Variants in ARHGAP32 observed in about 807,000 individuals in gnomAD.
ARHGAP32 encodes Rho GTPase activating protein 32, also known as rho GTPase-activating protein 32.
In ARHGAP32, 51 loss-of-function variants were observed where a neutral mutation model predicts 186.5. That is an observed-to-expected ratio of 0.27 (90% CI 0.22 to 0.35). The LOEUF (loss-of-function observed/expected upper bound fraction) is 0.35, where lower values mean the gene tolerates loss of function less well. Ranked by LOEUF, ARHGAP32 falls within the 10% of genes least tolerant of loss-of-function variation. The pLI, the probability that ARHGAP32 is intolerant of heterozygous loss-of-function variation, is 1.00. For missense variants in ARHGAP32, 2,186 were observed against 2,623.5 expected (o/e 0.83, Z 3.64); for synonymous variants, 950 against 964.3 (o/e 0.99, Z 0.27).
At chr11:129,165,925 T>C (rs766045683) in intron 1 of ARHGAP32, among the ~76,000 whole-genome samples, 1 of 151,994 alleles carries the variant, frequency 6.6e-6, no homozygotes. Context: ...AGAAGAGGAA[T>C]ACATAAGAAG....
intron 1 of ARHGAP32, among the ~76,000 whole-genome samples, chr11:129,219,693 A>G (rs568109339): frequency 1.3e-5 from 2 of 152,310 alleles, no homozygotes; most frequent in Admixed American, 1.3e-4. Flanking sequence ...ACATTAGCAT[A>G]CTATGCATAA....
At position 128,972,679 on chromosome 11, in the gene ARHGAP32, G is replaced by A; in HGVS notation, c.3827C>T (p.Thr1276Ile). 9 of 1,614,114 alleles carry A rather than the reference G, an allele frequency of 5.6e-6. No homozygotes were observed. The highest frequency in any genetic ancestry group is 7.6e-6 in the Non-Finnish European group (9 of 1,180,016). Residue 1276 changes from threonine to isoleucine, a missense_variant, in exon 22 of 23, where the codon ACT becomes ATT. This residue lies in a region of ARHGAP32 where 1,502 missense variants were observed against 1,570.0 expected (regional missense o/e 0.96). Transcript: ENST00000682385. ...PEENTSTATMTYMTTTPATAQ... is the reference protein window; with the variant it reads ...PEENTSTATMIYMTTTPATAQ... ...TGTTGCTGGAGTAGTTGTCATGTAA[G>A]TCATGGTGGCTGTGCTGGTATTCTC...
chr11:129,242,889 C>T (rs962016291), intron 1 of ARHGAP32, among the ~76,000 whole-genome samples: 4 of 151,730 alleles, frequency 2.6e-5, no homozygotes, highest in African/African-American at 7.3e-5. Flanking sequence ...AAATAAACAA[C>T]GTTCAGCTCC....
At chr11:129,127,813 G>A (rs1252172771) in intron 2 of ARHGAP32, among the ~76,000 whole-genome samples, 3 of 151,926 alleles carry the variant, frequency 2.0e-5, no homozygotes, top group African/African-American at 4.8e-5. Flanking sequence ...ACTTAATTAT[G>A]CTTCTAAAAT....
chr11:128,971,870 C>CA (rs1299320439), intron 22 of ARHGAP32: 2 of 152,314 alleles, frequency 1.3e-5, no homozygotes, highest in African/African-American at 4.8e-5. Flanking sequence ...TAGCATTCTG[C>CA]ATACTACATT....
intron 2 of ARHGAP32, among the ~76,000 whole-genome samples, chr11:129,129,918 T>C (rs1412092480): frequency 6.6e-6 from 1 of 152,272 alleles, no homozygotes; most frequent in Non-Finnish European, 1.5e-5. Flanking sequence ...ATGTAGTTAT[T>C]GGTATGTGTA....
upstream of ARHGAP32, among the ~76,000 whole-genome samples, chr11:129,193,581 T>TTATATATGTTATATATAA (rs1491499621): frequency 1.8e-5 from 1 of 55,816 alleles, no homozygotes; most frequent in African/African-American, 8.2e-5. Context: ...TATATATATA[T>TTATATATGTTATATATAA]TATATAATAT....
intron 5 of ARHGAP32, among the ~76,000 whole-genome samples, chr11:129,111,139 T>C (rs1942200988): frequency 6.6e-6 from 1 of 152,208 alleles, no homozygotes; most frequent in Non-Finnish European, 1.5e-5. Flanking sequence ...TCATGAAGGA[T>C]TGTTGAATCT....
rs183574122 is a variant in ARHGAP32 at position 129,171,870 on chromosome 11, T to C, written c.117-7443A>G. Reference sequence around the variant, plus strand: ...TTGAGCAGTGGTTTGTAGTTCTCCTTGAAGAGGCCCTTCACATCCCCTGTT... The same window carrying C: ...TTGAGCAGTGGTTTGTAGTTCTCCTCGAAGAGGCCCTTCACATCCCCTGTT... On this transcript the variant is annotated intron_variant, in intron 1 of 22. Coordinates refer to ENST00000682385, the MANE Select transcript of ARHGAP32 (RefSeq NM_001378024.1). Among the ~76,000 whole-genome samples the C allele has an allele frequency of 6.0e-3, 915 of 152,318 alleles. 7 individuals are homozygous for C. Among genetic ancestry groups the C allele is most frequent in the Non-Finnish European group, 8.4e-3 (571 of 68,022 alleles).
At chr11:129,120,340 T>C (rs1351569883) in intron 5 of ARHGAP32, among the ~76,000 whole-genome samples, 2 of 152,066 alleles carry the variant, frequency 1.3e-5, no homozygotes, top group African/African-American at 4.8e-5. Flanking sequence ...GAAAGACTGT[T>C]CTTGGCACGC....
intron 12 of ARHGAP32, among the ~76,000 whole-genome samples, chr11:128,992,751 C>CGT: frequency 1.3e-5 from 2 of 152,122 alleles, no homozygotes; most frequent in Non-Finnish European, 2.9e-5. Context: ...TGTGCCATTA[C>CGT]ACTCCAGCCT....
intron 1 of ARHGAP32, among the ~76,000 whole-genome samples, chr11:129,189,109 C>T (rs997382251): frequency 6.6e-6 from 1 of 151,974 alleles, no homozygotes; most frequent in African/African-American, 2.4e-5. Flanking sequence ...TCATAACCTC[C>T]TCAAAAAAAA....
chr11:129,269,069 G>A (rs970757019), intron 1 of ARHGAP32, among the ~76,000 whole-genome samples: 23 of 152,042 alleles, frequency 1.5e-4, no homozygotes, highest in Admixed American at 3.9e-4. Context: ...CCAGGAGTTC[G>A]AGACCAGCCT....
chr11:129,031,053 A>G (rs1489899378), intron 11 of ARHGAP32, among the ~76,000 whole-genome samples: 1 of 152,232 alleles, frequency 6.6e-6, no homozygotes, highest in East Asian at 1.9e-4. Context: ...GACAGCCTGC[A>G]GAACTGTGAG....
intron 5 of ARHGAP32, among the ~76,000 whole-genome samples, chr11:129,100,283 G>T (rs1401072027): frequency 6.6e-6 from 1 of 152,186 alleles, no homozygotes; most frequent in Non-Finnish European, 1.5e-5. Flanking sequence ...CATCAGATGG[G>T]GCCAGTTCAA....
At chr11:129,066,532 C>T (rs934903450) in intron 7 of ARHGAP32, among the ~76,000 whole-genome samples, 199 bp downstream of exon 7, 1 of 151,950 alleles carries the variant, frequency 6.6e-6, no homozygotes, top group Non-Finnish European at 1.5e-5. Context: ...GTTGTTTTCC[C>T]TTATAAAATT....
chr11:129,228,071 C>G (rs910192819), intron 1 of ARHGAP32, among the ~76,000 whole-genome samples: 1 of 152,014 alleles, frequency 6.6e-6, no homozygotes, highest in Non-Finnish European at 1.5e-5. Context: ...AGATTAATAA[C>G]AAGGAGATCT....
chr11:129,074,269 T>G (rs1248524859), intron 6 of ARHGAP32, among the ~76,000 whole-genome samples: 2 of 71,256 alleles, frequency 2.8e-5, no homozygotes, highest in Non-Finnish European at 5.5e-5. Context: ...ACTATGTGTG[T>G]TTTACATATA....
At chr11:129,039,804 A>G (rs151089181) in intron 11 of ARHGAP32, among the ~76,000 whole-genome samples, 347 of 152,338 alleles carry the variant, frequency 2.3e-3, no homozygotes, top group African/African-American at 8.2e-3. Context: ...AAGATTTACC[A>G]AACAAGTACC....
Sources: allele counts gnomAD v4.1 joint callset (sites outside exome capture counted in the v4.1 genomes callset), GRCh38; gene constraint gnomAD v4.1.1; regional missense constraint gnomAD v4.1.1; transcripts MANE v1.5; gene names NCBI Gene and HGNC (gene_info 2026-07-23, HGNC 2026-07-21).